Variants in ABCD2 observed in about 807,000 individuals in gnomAD.
The protein encoded by ABCD2 is ATP-binding cassette sub-family D member 2.
A neutral mutation model predicts 70.9 loss-of-function variants in ABCD2; 36 were observed. The ratio of observed to expected loss-of-function variants is 0.51; its 90% CI spans 0.39 to 0.67. The LOEUF is 0.67. Among genes scored for constraint, ABCD2 ranks in the 30% least tolerant of loss-of-function variants. The pLI, the probability that ABCD2 is intolerant of heterozygous loss-of-function variation, is 0.00. For synonymous variants in ABCD2, 304 were observed against 306.9 expected (o/e 0.99, Z 0.10); for missense variants, 729 against 890.2 (o/e 0.82, Z 2.30).
intron 6 of ABCD2, among the ~76,000 whole-genome samples, chr12:39,593,407 C>A (rs1406106520): frequency 6.6e-6 from 1 of 152,128 alleles, no homozygotes; most frequent in Non-Finnish European, 1.5e-5. Flanking sequence ...CAAGTACCAC[C>A]ATATCCAGCT....
intron 9 of ABCD2, among the ~76,000 whole-genome samples, chr12:39,561,110 T>C (rs994297968): frequency 2.4e-4 from 36 of 152,208 alleles, no homozygotes; most frequent in African/African-American, 7.9e-4. Context: ...ACACATAGTT[T>C]CTGGGCCAGG....
At chr12:39,534,717 A>C in the ABCD2 span, among the ~76,000 whole-genome samples, 2,066 of 145,428 alleles carry the variant, frequency 0.014, 59 homozygotes, top group African/African-American at 0.049. Flanking sequence ...GAAGGAAGGA[A>C]GGAAGGAAGG....
chr12:39,582,587 C>T lies in ABCD2; in HGVS notation c.1793-2968G>A, dbSNP rs1374265515. 2.0e-5 allele frequency among the ~76,000 whole-genome samples: 3 copies of T among 152,220 alleles called. No individual in the cohort carries two copies. The East Asian group carries it at 5.8e-4, about 29-fold the overall frequency. ...TTTCAAACGTCCTCAAAATAACTTG[C>T]CCAAGATAAACATGTAGCATTTATT... On this transcript the variant is annotated intron_variant, in intron 7 of 9. Coordinates refer to ENST00000308666, the MANE Select transcript of ABCD2 (RefSeq NM_005164.4).
chr12:39,593,820 A>C (rs1004788332), intron 6 of ABCD2, among the ~76,000 whole-genome samples: 1 of 152,224 alleles, frequency 6.6e-6, no homozygotes, highest in Admixed American at 6.5e-5. Flanking sequence ...TTTAAAATTA[A>C]GGGACTATTT....
intron 8 of ABCD2, among the ~76,000 whole-genome samples, chr12:39,578,668 G>A (rs1204508038): frequency 6.6e-6 from 1 of 150,780 alleles, no homozygotes; most frequent in Non-Finnish European, 1.5e-5. Context: ...CTATGAAGCT[G>A]GTTACAATTA....
rs184881549 is a variant in ABCD2 at position 39,571,406 on chromosome 12, G to A, written c.2003+2310C>T. On this transcript the variant is annotated intron_variant, in intron 9 of 9. Transcript: ENST00000308666. ...CCACTGTAAAAAAGAATAAAATCCC[G>A]CCACTTACAAAAACATGGAAGAACC... Among the ~76,000 whole-genome samples the A allele has an allele frequency of 1.1e-3, 165 of 152,144 alleles. 1 individual carries two copies. Among genetic ancestry groups the A allele is most frequent in the Admixed American group, 3.7e-3 (57 of 15,266 alleles).
intron 4 of ABCD2, 63 bp from the exon 5 acceptor site, chr12:39,604,069 A>C: frequency 8.8e-7 from 1 of 1,132,776 alleles, no homozygotes; most frequent in African/African-American, 1.6e-5. Flanking sequence ...AATAACGTAA[A>C]TTATTATGCA....
chr12:39,572,452 C>A (rs543860416), intron 9 of ABCD2, among the ~76,000 whole-genome samples: 11 of 152,216 alleles, frequency 7.2e-5, no homozygotes, highest in African/African-American at 2.2e-4. Flanking sequence ...TATTCATTGG[C>A]ATGGATCCTA....
intron 8 of ABCD2, among the ~76,000 whole-genome samples, chr12:39,574,296 G>A (rs954590539): frequency 1.3e-5 from 2 of 152,102 alleles, no homozygotes; most frequent in African/African-American, 4.8e-5. Context: ...GAATACCTAA[G>A]CATTACTAAT....
At chr12:39,563,947 A>G (rs4475956) in intron 9 of ABCD2, among the ~76,000 whole-genome samples, 52,761 of 152,048 alleles carry the variant, frequency 0.35, 11,042 homozygotes, top group African/African-American at 0.59. Context: ...TCCTTACAAA[A>G]GACATGTACT....
chr12:39,594,214 G>T (rs1458461630), intron 6 of ABCD2, among the ~76,000 whole-genome samples: 2 of 151,958 alleles, frequency 1.3e-5, no homozygotes, highest in Non-Finnish European at 2.9e-5. Context: ...ATGACTTTAG[G>T]GTAAGGCACA....
chr12:39,563,419 T>G (rs1941290768), intron 9 of ABCD2, among the ~76,000 whole-genome samples: 1 of 152,116 alleles, frequency 6.6e-6, no homozygotes, highest in Non-Finnish European at 1.5e-5. Flanking sequence ...AAAAATAACA[T>G]GTTTTCTGTA....
chr12:39,563,614 G>A (rs1335512267), intron 9 of ABCD2, among the ~76,000 whole-genome samples: 6 of 151,886 alleles, frequency 4.0e-5, no homozygotes, highest in Non-Finnish European at 8.8e-5. Context: ...CCTGGCTGCA[G>A]ATAACATGTT....
intron 1 of ABCD2, 39 bp from the exon 2 acceptor site, chr12:39,617,207 A>T: frequency 1.5e-6 from 2 of 1,356,330 alleles, no homozygotes; most frequent in Non-Finnish European, 2.0e-6. Context: ...TTTTTTAAAG[A>T]TATATACATA....
At chr12:39,533,497 C>G in the ABCD2 span, among the ~76,000 whole-genome samples, 2 of 152,082 alleles carry the variant, frequency 1.3e-5, no homozygotes, top group Non-Finnish European at 2.9e-5. Flanking sequence ...AGAACATAAT[C>G]TAAATTAAGA....
At chr12:39,589,460 G>C (rs905805800) in intron 6 of ABCD2, among the ~76,000 whole-genome samples, 1 of 150,136 alleles carries the variant, frequency 6.7e-6, no homozygotes, top group Non-Finnish European at 1.5e-5. Context: ...CATCTCGGTG[G>C]CTCACTGCAA....
intron 6 of ABCD2, 24 bp downstream of exon 6, chr12:39,600,547 T>C: frequency 6.6e-7 from 1 of 1,526,206 alleles, no homozygotes; most frequent in Non-Finnish European, 8.8e-7. Context: ...AATTGTTTCT[T>C]GTAATATAAA....
At chr12:39,561,208 C>A in intron 9 of ABCD2, among the ~76,000 whole-genome samples, 1 of 150,532 alleles carries the variant, frequency 6.6e-6, no homozygotes, top group Admixed American at 6.6e-5. Flanking sequence ...CCAGCCTGGC[C>A]AACATGGTGA....
chr12:39,535,148 T>C, the ABCD2 span, among the ~76,000 whole-genome samples: 1 of 152,094 alleles, frequency 6.6e-6, no homozygotes, highest in African/African-American at 2.4e-5. Context: ...TTTAAAGTTA[T>C]AGCCACTAGA....
Sources: gnomAD v4.1 joint callset for allele counts (sites outside exome capture counted in the v4.1 genomes callset) on GRCh38, gnomAD v4.1.1 for gene constraint, MANE v1.5 for transcripts, NCBI Gene and HGNC (gene_info 2026-07-23, HGNC 2026-07-21) for gene names.